Variants in DNASE1L3 observed in about 807,000 individuals in gnomAD.
DNASE1L3 encodes the protein deoxyribonuclease 1L3.
A neutral mutation model predicts 30.9 loss-of-function variants in DNASE1L3; 27 were observed. That is an observed-to-expected ratio of 0.87 (90% CI 0.64 to 1.20). The LOEUF (loss-of-function observed/expected upper bound fraction) is 1.20. Among genes scored for constraint, DNASE1L3 ranks in the 50% most tolerant of loss-of-function variants. The pLI is 0.00. For missense variants in DNASE1L3, 364 were observed against 378.2 expected (o/e 0.96, Z 0.31); for synonymous variants, 135 against 138.0 (o/e 0.98, Z 0.15).
At chr3:58,209,002 G>A (rs2097405827) in intron 1 of DNASE1L3, among the ~76,000 whole-genome samples, 1 of 152,166 alleles carries the variant, frequency 6.6e-6, no homozygotes, top group Non-Finnish European at 1.5e-5. Flanking sequence ...CACTTTGGGA[G>A]GCCAAGATGG....
intron 7 of DNASE1L3, chr3:58,193,014 C>T: frequency 7.0e-7 from 1 of 1,429,922 alleles, no homozygotes; most frequent in Non-Finnish European, 9.1e-7. Flanking sequence ...CATTGAGGGT[C>T]AAGGTCTAGT....
chr3:58,207,540 A>T (rs1440002972), intron 2 of DNASE1L3, among the ~76,000 whole-genome samples: 1 of 149,054 alleles, frequency 6.7e-6, no homozygotes, highest in Non-Finnish European at 1.5e-5. Context: ...ACACACCCTT[A>T]TTCATGTAAC....
intron 4 of DNASE1L3, among the ~76,000 whole-genome samples, chr3:58,203,201 C>T (rs997837840): frequency 2.6e-5 from 4 of 152,238 alleles, no homozygotes; most frequent in African/African-American, 9.6e-5. Flanking sequence ...GCCCAGCAGG[C>T]TGCATCCAGG....
At chr3:58,208,361 A>G (rs1273130184) in intron 1 of DNASE1L3, 55 bp from the exon 2 acceptor site, 2 of 1,561,236 alleles carry the variant, frequency 1.3e-6, no homozygotes, top group East Asian at 4.5e-5. Context: ...GATAAATAAA[A>G]CCTTTTATTG....
Position 58,193,405 on chromosome 3 carries a change from C to T in DNASE1L3, c.739G>A (p.Val247Ile). ...VLRGQEIVSS[V>I]VPKSNSVFDF... Reference sequence around the variant, plus strand: ...AAAACACTGTTTGACTTGGGAACAACAGAACTGACGATTTCTTGTCCTCTA... The same window carrying T: ...AAAACACTGTTTGACTTGGGAACAATAGAACTGACGATTTCTTGTCCTCTA... The change falls in exon 7 of 8, where the codon GTT becomes ATT. Residue 247 changes from valine to isoleucine, a missense_variant. By Grantham distance (29) the Val-to-Ile change is conservative. Transcript: ENST00000394549. 2 of 1,614,040 alleles carry T rather than the reference C, an allele frequency of 1.2e-6. No homozygotes were observed. The highest frequency in any genetic ancestry group is 1.7e-6 in the Non-Finnish European group (2 of 1,179,936).
chr3:58,206,929 G>C (rs539897100), intron 2 of DNASE1L3, among the ~76,000 whole-genome samples: 1 of 152,258 alleles, frequency 6.6e-6, no homozygotes, highest in East Asian at 1.9e-4. Flanking sequence ...ATGGATTCTT[G>C]CCTGTCCCTA....
chr3:58,210,277 GAAA>G (rs1469497750), intron 1 of DNASE1L3, among the ~76,000 whole-genome samples: 1 of 150,912 alleles, frequency 6.6e-6, no homozygotes, highest in Non-Finnish European at 1.5e-5. Context: ...AGAAAGAAAA[GAAA>G]GAAAGAAGAA....
chr3:58,208,256 G>A lies in DNASE1L3; in HGVS notation c.192C>T (p.Asn64=). The A allele has an allele frequency of 1.2e-6, 2 of 1,614,180 alleles. No individual in the cohort carries two copies. The highest frequency in any genetic ancestry group is 1.7e-6 in the Non-Finnish European group (2 of 1,180,026). ...IILVMEIKDS[N]NRICPILMEK... ...CCATCAGTATGGGGCAGATCCTGTT[G>A]TTGCTGTCCTTGATTTCCATCACGA... The change falls in exon 2 of 8, where the codon AAC becomes AAT. Residue 64 remains asparagine (N), a synonymous_variant. Coordinates refer to ENST00000394549, the MANE Select transcript of DNASE1L3 (RefSeq NM_004944.4).
chr3:58,201,628 T>A (rs1309413713), intron 4 of DNASE1L3, among the ~76,000 whole-genome samples: 1 of 152,204 alleles, frequency 6.6e-6, no homozygotes, highest in Non-Finnish European at 1.5e-5. Flanking sequence ...CTTTGCCCCT[T>A]CCCTATTTGG....
In DNASE1L3 at chr3:58,200,911, C is replaced by T. The variant is rs926895385; in HGVS notation, c.546+86G>A. The T allele has an allele frequency of 1.2e-5, 13 of 1,047,314 alleles. No homozygotes were observed. The highest frequency in any genetic ancestry group is 1.8e-5 in the Non-Finnish European group (13 of 711,166). 64.9% of individuals were successfully genotyped at this position (1,047,314 alleles called of 1,614,324 possible). A position where few individuals can be genotyped will look rare whatever the true frequency, so the allele number is the denominator to read the frequency against. ...TAGCCTGCACATGCCCTTCCTCCTC[C>T]CCCTCCCTGGAGAGGTACTCATCCC... On this transcript the variant is annotated intron_variant, in intron 5 of 7. Coordinates refer to ENST00000394549, the MANE Select transcript of DNASE1L3 (RefSeq NM_004944.4). This position sits in a 1 kb window ranked among gnomAD's most constrained non-coding sequence, Gnocchi z 4.2.
At chr3:58,202,458 CA>C in intron 4 of DNASE1L3, among the ~76,000 whole-genome samples, 1 of 151,376 alleles carries the variant, frequency 6.6e-6, no homozygotes, top group Non-Finnish European at 1.5e-5. Flanking sequence ...CCACCACACC[CA>C]GCTGGGAGTT....
At chr3:58,207,037 C>G (rs2097404479) in intron 2 of DNASE1L3, among the ~76,000 whole-genome samples, 1 of 152,140 alleles carries the variant, frequency 6.6e-6, no homozygotes, top group African/African-American at 2.4e-5. Context: ...CTGCCCAAGA[C>G]CCAGACATGG....
chr3:58,194,180 T>C (rs1486545603), intron 6 of DNASE1L3, among the ~76,000 whole-genome samples: 2 of 152,214 alleles, frequency 1.3e-5, no homozygotes, highest in African/African-American at 4.8e-5. Flanking sequence ...AGTTGTGGTC[T>C]ACGTGGTCCT....
intron 4 of DNASE1L3, among the ~76,000 whole-genome samples, chr3:58,204,431 G>A (rs9842511): frequency 0.076 from 11,531 of 152,130 alleles, 550 homozygotes; most frequent in African/African-American, 0.13. Context: ...ATGCGCCACC[G>A]CACCCAGCCA....
chr3:58,192,655 A>G lies in DNASE1L3; in HGVS notation c.*32T>C. The G allele has an allele frequency of 1.3e-6, 2 of 1,597,118 alleles. No individual in the cohort carries two copies. Among genetic ancestry groups the G allele is most frequent in the East Asian group, 4.5e-5 (2 of 44,790 alleles). ...TGTTAGAGACATTTTATTTAGAGGCAAGAAATGGTTAATAAGATGAGACCC... is the reference window on the plus strand; with the variant it reads ...TGTTAGAGACATTTTATTTAGAGGCGAGAAATGGTTAATAAGATGAGACCC... On this transcript the variant is annotated 3_prime_UTR_variant, in exon 8 of 8. Coordinates refer to ENST00000394549, the MANE Select transcript of DNASE1L3 (RefSeq NM_004944.4). The surrounding 1 kb of genome is among the most constrained non-coding windows in gnomAD (Gnocchi z 4.8).
At position 58,200,801 on chromosome 3, in the gene DNASE1L3, G is replaced by A. The variant is rs914953373; in HGVS notation, c.546+196C>T. On this transcript the variant is annotated intron_variant, in intron 5 of 7. Coordinates refer to ENST00000394549, the MANE Select transcript of DNASE1L3 (RefSeq NM_004944.4). This position sits in a 1 kb window ranked among gnomAD's most constrained non-coding sequence, Gnocchi z 4.2. ...ATGGGAAAGTGTGGCAATTCCCAAGGCCCACATGCAGGGTACCCAGGCAGA... is the reference window on the plus strand; with the variant it reads ...ATGGGAAAGTGTGGCAATTCCCAAGACCCACATGCAGGGTACCCAGGCAGA... Among the ~76,000 whole-genome samples the A allele has an allele frequency of 7.2e-5, 11 of 152,176 alleles. No individual in the cohort carries two copies. The highest frequency in any genetic ancestry group is 1.2e-4 in the Non-Finnish European group (8 of 68,034).
At chr3:58,209,510 T>C (rs887091933) in intron 1 of DNASE1L3, among the ~76,000 whole-genome samples, 3 of 152,132 alleles carry the variant, frequency 2.0e-5, no homozygotes, top group Admixed American at 1.3e-4. Flanking sequence ...AACAACACCA[T>C]CTAGAAGGCC....
Position 58,192,530 on chromosome 3 carries a change from A to G in DNASE1L3, c.*157T>C. On this transcript the variant is annotated 3_prime_UTR_variant, in exon 8 of 8. Transcript: ENST00000394549. This position sits in a 1 kb window ranked among gnomAD's most constrained non-coding sequence, Gnocchi z 4.8. ...TATGAGACCAAGAGAGATACAAAAGATTCTCCTTCCAATTTGGCTCAAGTC... is the reference window on the plus strand; with the variant it reads ...TATGAGACCAAGAGAGATACAAAAGGTTCTCCTTCCAATTTGGCTCAAGTC... 1 of 758,390 alleles carries G rather than the reference A, an allele frequency of 1.3e-6. No homozygotes were observed. The highest frequency in any genetic ancestry group is 2.7e-5 in the East Asian group (1 of 36,474). 47.0% of individuals were successfully genotyped at this position (758,390 alleles called of 1,614,324 possible).
Position 58,198,224 on chromosome 3 carries a change from G to T in DNASE1L3, c.547-246C>A, listed in dbSNP as rs571250785. ...CAAGAGGGAATTAAGGTAAAATGAG[G>T]TCATATGGATGGGCTCTAATCCAAT... On this transcript the variant is annotated intron_variant, in intron 5 of 7. Transcript: ENST00000394549. 8.0e-4 allele frequency among the ~76,000 whole-genome samples: 121 copies of T among 152,164 alleles called. 2 individuals are homozygous for T. The highest frequency in any genetic ancestry group is 2.4e-4 in the Non-Finnish European group (16 of 68,040).
Sources: gnomAD v4.1 joint callset for allele counts (sites outside exome capture counted in the v4.1 genomes callset) on GRCh38, gnomAD v4.1.1 for gene constraint, Gnocchi (gnomAD v3.1) non-coding constraint, MANE v1.5 for transcripts, NCBI Gene and HGNC (gene_info 2026-07-23, HGNC 2026-07-21) for gene names.